The following FOXP2 variants were observed in gnomAD, a reference collection of about 807,000 sequenced individuals.
FOXP2 encodes the protein forkhead box P2, also known as forkhead box protein P2.
A neutral mutation model predicts 115.8 loss-of-function variants in FOXP2; 12 were observed. That is an observed-to-expected ratio of 0.10 (90% CI 0.07 to 0.17). The LOEUF is 0.17. FOXP2 is among the 10% of genes least tolerant of loss of function. FOXP2 has a pLI of 1.00. For synonymous variants in FOXP2, 328 were observed against 297.7 expected (o/e 1.10, Z -1.05); for missense variants, 629 against 843.5 (o/e 0.75, Z 3.15).
chr7:114,168,347 G>A (rs557717825), intron 1 of FOXP2, among the ~76,000 whole-genome samples: 45 of 152,254 alleles, frequency 3.0e-4, no homozygotes, highest in African/African-American at 1.0e-3. Flanking sequence ...CAATATGGAC[G>A]ATAAAGTCTA....
chr7:114,554,748 A>G (rs1584889279), intron 3 of FOXP2, among the ~76,000 whole-genome samples: 4 of 152,134 alleles, frequency 2.6e-5, no homozygotes. Flanking sequence ...CAGAAATTGC[A>G]TTACATTTAT....
intron 2 of FOXP2, among the ~76,000 whole-genome samples, chr7:114,383,321 C>A (rs1792355206): frequency 6.6e-6 from 1 of 152,150 alleles, no homozygotes; most frequent in African/African-American, 2.4e-5. Flanking sequence ...CTCCTCCTCC[C>A]ACTGCTTGGA....
chr7:114,227,641 A>G (rs1004776285), intron 1 of FOXP2, among the ~76,000 whole-genome samples: 6 of 151,910 alleles, frequency 3.9e-5, no homozygotes, highest in African/African-American at 1.4e-4. Context: ...GTTTATTTGT[A>G]TTGTATTTAT....
chr7:114,438,919 A>G (rs1156392137), intron 2 of FOXP2, among the ~76,000 whole-genome samples: 1 of 152,198 alleles, frequency 6.6e-6, no homozygotes, highest in Non-Finnish European at 1.5e-5. Flanking sequence ...TTGATTTTAA[A>G]ACACAGAAGT....
chr7:114,583,606 ATTCT>A (rs1563015233), intron 3 of FOXP2, among the ~76,000 whole-genome samples: 1 of 152,188 alleles, frequency 6.6e-6, no homozygotes, highest in Non-Finnish European at 1.5e-5. Flanking sequence ...AAATATGTTC[ATTCT>A]AAGTTGATGA....
intron 1 of FOXP2, among the ~76,000 whole-genome samples, chr7:114,131,341 C>T (rs551078944): frequency 2.0e-5 from 3 of 152,228 alleles, no homozygotes; most frequent in East Asian, 1.9e-4. Flanking sequence ...TTGGGGGGAC[C>T]TTGATTTTTG....
chr7:114,489,484 T>TA (rs571820427), intron 2 of FOXP2, among the ~76,000 whole-genome samples: 7 of 152,044 alleles, frequency 4.6e-5, no homozygotes, highest in Non-Finnish European at 1.0e-4. Flanking sequence ...AAGTTGTCTC[T>TA]AGTCCTTTTC....
At chr7:114,109,804 CTTAAT>C (rs1172048705) in intron 1 of FOXP2, among the ~76,000 whole-genome samples, 2 of 151,924 alleles carry the variant, frequency 1.3e-5, no homozygotes, top group Non-Finnish European at 2.9e-5. Context: ...CATTTACAGT[CTTAAT>C]TTCATTTGAA....
At chr7:114,609,634 T>A (rs1016832322) in intron 3 of FOXP2, among the ~76,000 whole-genome samples, 3 of 152,236 alleles carry the variant, frequency 2.0e-5, no homozygotes, top group Admixed American at 2.0e-4. Context: ...TTTTCTCTTT[T>A]GAGCCTTCAA....
chr7:114,652,364 G>A, intron 9 of FOXP2, 74 bp downstream of exon 9: 1 of 1,342,178 alleles, frequency 7.5e-7, no homozygotes, highest in Non-Finnish European at 1.1e-6. Flanking sequence ...GCAGATTCTG[G>A]GTCTTTCAGC....
At chr7:114,442,402 G>A (rs1794644411) in intron 2 of FOXP2, among the ~76,000 whole-genome samples, 1 of 151,268 alleles carries the variant, frequency 6.6e-6, no homozygotes, top group Non-Finnish European at 1.5e-5. Context: ...CTGCAGTAAT[G>A]ATTGCACAAC....
rs570185662 is a variant in FOXP2, at chr7:114,473,510, TTTAA to T, written c.168+46836_168+46839del. Among the ~76,000 whole-genome samples, 211 of 152,208 alleles carry T rather than the reference TTTAA, an allele frequency of 1.4e-3. 3 individuals are homozygous for T. Among genetic ancestry groups the T allele is most frequent in the Non-Finnish European group, 2.3e-3 (154 of 68,006 alleles). On this transcript the variant is annotated intron_variant, in intron 2 of 16. Transcript: ENST00000350908. ...GTAGATTCAAAGATCTAGTTTTGAG[TTTAA>T]TTAAACTTTACTTCTTCTAGAACAC...
chr7:114,500,183 T>G (rs991735863), intron 2 of FOXP2, among the ~76,000 whole-genome samples: 6 of 131,472 alleles, frequency 4.6e-5, no homozygotes. Context: ...GCAACTGCCC[T>G]CCAGTCTGGG....
rs187157634 is a variant in FOXP2, at chr7:114,271,611, T to C, written c.-101-16408T>C. Among the ~76,000 whole-genome samples, 330 of 123,624 alleles carry C rather than the reference T, an allele frequency of 2.7e-3. 2 individuals carry two copies. The highest frequency in any genetic ancestry group is 9.4e-3 in the African/African-American group (300 of 31,898). 81.1% of individuals were successfully genotyped at this position (123,624 alleles called of 152,430 possible). Reference sequence around the variant, plus strand: ...ATTATTATAATATAATATTAATATATAATAAATAATTATATTATTAATATA... The same window carrying C: ...ATTATTATAATATAATATTAATATACAATAAATAATTATATTATTAATATA... On this transcript the variant is annotated intron_variant, in intron 1 of 17. Transcript: ENST00000634411.
intron 2 of FOXP2, among the ~76,000 whole-genome samples, chr7:114,393,129 T>C (rs2396723): frequency 0.97 from 146,878 of 152,192 alleles, 71,081 homozygotes; most frequent in East Asian, 1. Context: ...ATCAGGGTGA[T>C]GTGCAATTCA....
intron 2 of FOXP2, among the ~76,000 whole-genome samples, chr7:114,532,338 T>C (rs570496285): frequency 3.9e-5 from 6 of 152,088 alleles, no homozygotes; most frequent in Admixed American, 3.9e-4. Context: ...TTGTTTCCCA[T>C]GTAAAGTCTG....
chr7:114,485,527 G>A (rs1274821085), intron 2 of FOXP2, among the ~76,000 whole-genome samples: 1 of 45,316 alleles, frequency 2.2e-5, no homozygotes, highest in Admixed American at 2.8e-4. Flanking sequence ...GGTATTTCAG[G>A]GTAAATGTTT....
At chr7:114,416,881 A>G (rs1793372099) in intron 1 of FOXP2, among the ~76,000 whole-genome samples, 1 of 151,950 alleles carries the variant, frequency 6.6e-6, no homozygotes, top group South Asian at 2.1e-4. Flanking sequence ...GTGCTCTATT[A>G]GAAAACAACT....
At chr7:114,459,922 A>T (rs1249649467) in intron 2 of FOXP2, among the ~76,000 whole-genome samples, 1 of 152,150 alleles carries the variant, frequency 6.6e-6, no homozygotes, top group Non-Finnish European at 1.5e-5. Flanking sequence ...AGCCTACATT[A>T]GTTATTTTTA....
Sources: gnomAD v4.1 joint callset for allele counts (sites outside exome capture counted in the v4.1 genomes callset) on GRCh38, gnomAD v4.1.1 for gene constraint, MANE v1.5 for transcripts, NCBI Gene and HGNC (gene_info 2026-07-23, HGNC 2026-07-21) for gene names.